The following ALMS1 variants were observed in gnomAD, a reference collection of about 807,000 sequenced individuals.
ALMS1 encodes ALMS1 centrosome and basal body associated protein.
ALMS1 carries 271 observed loss-of-function variants against 352.2 expected under a neutral mutation model. The observed-to-expected ratio is 0.77, with a 90% CI of 0.70 to 0.85. ALMS1 has a LOEUF of 0.85. ALMS1 is among the 40% of genes least tolerant of loss of function. ALMS1 has a pLI of 0.00. For synonymous variants in ALMS1, 1,865 were observed against 1,761.2 expected (o/e 1.06, Z -1.48); for missense variants, 5,445 against 4,870.7 (o/e 1.12, Z -3.51).
At chr2:73,577,462 T>A (rs1405244595) in intron 16 of ALMS1, among the ~76,000 whole-genome samples, 1 of 152,080 alleles carries the variant, frequency 6.6e-6, no homozygotes, top group Non-Finnish European at 1.5e-5. Context: ...TGCTTTGGAT[T>A]TAGTATGTTT....
intron 2 of ALMS1, among the ~76,000 whole-genome samples, chr2:73,414,242 G>A (rs145391601): frequency 2.0e-5 from 3 of 151,754 alleles, no homozygotes; most frequent in Non-Finnish European, 4.4e-5. Flanking sequence ...TACACGTTTT[G>A]TTAGACTTAC....
chr2:73,425,604 A>T (rs974730598), intron 5 of ALMS1, among the ~76,000 whole-genome samples: 2 of 152,182 alleles, frequency 1.3e-5, no homozygotes, highest in Non-Finnish European at 2.9e-5. Flanking sequence ...TATTGCCTCT[A>T]TTGAGCCTTC....
rs1482258922 is a variant in ALMS1 at position 73,572,830 on chromosome 2, T to C, written c.10953T>C (p.His3651=). ...CTCTCCAGGTCTCAGAAAGTACACA[T>C]GATGATAGCAGAGGGGAACGAAGTG... ...THSLQVSEST[H]DDSRGERSVK... Residue 3651 remains histidine, a synonymous_variant, in exon 16 of 23, where the codon CAT becomes CAC. Transcript: ENST00000613296. 3.1e-6 allele frequency: 5 copies of C among 1,613,890 alleles called. No individual in the cohort carries two copies. In the East Asian group the frequency reaches 8.9e-5, roughly 29 times the overall value.
Position 73,453,713 on chromosome 2 carries a change from A to G in ALMS1, c.7186A>G (p.Ser2396Gly), listed in dbSNP as rs1671999324. Residue 2396 changes from serine (S) to glycine (G), a missense_variant, in exon 8 of 23, where the codon AGT (serine) becomes GGT (glycine). Physicochemically the swap from Ser to Gly is moderately conservative, Grantham distance 56. Transcript: ENST00000613296. Reference sequence around the variant, plus strand: ...AATGAGGTCTGAACCTGAAGGGTGTAGTGGAACCATTGGGAATAAAATTAT... The same window carrying G: ...AATGAGGTCTGAACCTGAAGGGTGTGGTGGAACCATTGGGAATAAAATTAT... ...SVMRSEPEGCSGTIGNKIIIP... is the reference protein window; with the variant it reads ...SVMRSEPEGCGGTIGNKIIIP... 1 of 1,614,180 alleles carries G rather than the reference A, an allele frequency of 6.2e-7. No homozygotes were observed. The highest frequency in any genetic ancestry group is 1.3e-5 in the African/African-American group (1 of 75,058).
chr2:73,521,580 C>CAAAAAAAAAA (rs565126393), intron 11 of ALMS1, among the ~76,000 whole-genome samples: 13 of 94,834 alleles, frequency 1.4e-4, no homozygotes, highest in East Asian at 4.0e-4. Flanking sequence ...ACTAAAAATA[C>CAAAAAAAAAA]AAAAAAAAAA....
intron 7 of ALMS1, among the ~76,000 whole-genome samples, chr2:73,440,325 T>G (rs1671692522): frequency 6.6e-6 from 1 of 152,188 alleles, no homozygotes; most frequent in African/African-American, 2.4e-5. Context: ...GGAGCTGACT[T>G]ACTTTCTTTA....
intron 1 of ALMS1, among the ~76,000 whole-genome samples, chr2:73,392,908 A>G (rs1670679579): frequency 6.6e-6 from 1 of 152,134 alleles, no homozygotes; most frequent in East Asian, 1.9e-4. Context: ...TAACCTTTTA[A>G]GTTTCTGCCA....
At chr2:73,540,545 G>A (rs1674151341) in intron 12 of ALMS1, among the ~76,000 whole-genome samples, 1 of 152,278 alleles carries the variant, frequency 6.6e-6, no homozygotes, top group Non-Finnish European at 1.5e-5. Flanking sequence ...AATGTAAATG[G>A]ACTAAATGCC....
chr2:73,603,506 A>C (rs528329614), intron 21 of ALMS1: 33 of 575,552 alleles, frequency 5.7e-5, no homozygotes, highest in African/African-American at 5.3e-4. Context: ...AAAAGATGAA[A>C]AACTTCTCAC....
At chr2:73,480,858 T>C (rs1246093) in intron 9 of ALMS1, among the ~76,000 whole-genome samples, 125,247 of 144,960 alleles carry the variant, frequency 0.86, 54,116 homozygotes, top group Admixed American at 0.91. Flanking sequence ...GTGTTTTTTG[T>C]CTGCATAAAT....
intron 22 of ALMS1, 29 bp from the exon 23 acceptor site, chr2:73,609,538 CT>C (rs1038361149): frequency 6.2e-7 from 1 of 1,612,946 alleles, no homozygotes; most frequent in African/African-American, 1.3e-5. Context: ...TAATATCTAA[CT>C]TCTTTCCTGC....
intron 10 of ALMS1, among the ~76,000 whole-genome samples, chr2:73,517,933 C>T (rs1673594309): frequency 6.6e-6 from 1 of 152,210 alleles, no homozygotes; most frequent in Non-Finnish European, 1.5e-5. Flanking sequence ...ACTGGGATTA[C>T]AGGCGTGAGC....
intron 12 of ALMS1, among the ~76,000 whole-genome samples, chr2:73,538,630 G>C (rs1335493188): frequency 6.6e-6 from 1 of 152,148 alleles, no homozygotes; most frequent in Admixed American, 6.5e-5. Flanking sequence ...AATTCCCTTT[G>C]CTAGCCAAGG....
Position 73,573,151 on chromosome 2 carries a change from T to A in ALMS1, c.11274T>A (p.Thr3758=). 1.2e-6 allele frequency: 2 copies of A among 1,613,898 alleles called. No homozygotes were observed. The highest frequency in any genetic ancestry group is 4.5e-5 in the East Asian group (2 of 44,870). ...DTTTNILSGT[T]STVESDILTQ... is the part of the protein sequence containing the mutation. ...CCACCAACATCCTTTCCGGCACCAC[T>A]TCTACTGTCGAATCAGATATATTGA... Residue 3758 remains threonine (T), a synonymous_variant, in exon 16 of 23, where the codon ACT becomes ACA. Transcript: ENST00000613296.
intron 9 of ALMS1, among the ~76,000 whole-genome samples, chr2:73,465,514 A>C (rs1052699574): frequency 2.6e-5 from 4 of 152,268 alleles, no homozygotes; most frequent in Admixed American, 2.6e-4. Context: ...CTTACATGTT[A>C]GTCCGAAAAC....
chr2:73,488,145 C>G (rs563056120), intron 9 of ALMS1, among the ~76,000 whole-genome samples: 34 of 151,072 alleles, frequency 2.3e-4, no homozygotes, highest in African/African-American at 7.4e-4. Context: ...AGCCTGTCTG[C>G]CATCTCTGCC....
intron 9 of ALMS1, among the ~76,000 whole-genome samples, chr2:73,486,205 A>C (rs1672839734): frequency 1.3e-5 from 2 of 152,102 alleles, no homozygotes; most frequent in Non-Finnish European, 2.9e-5. Context: ...AGCAGATACA[A>C]GACCTTTGTT....
intron 2 of ALMS1, among the ~76,000 whole-genome samples, chr2:73,418,764 G>A (rs1022819080): frequency 1.3e-5 from 2 of 152,076 alleles, no homozygotes; most frequent in African/African-American, 2.4e-5. Context: ...GCTTATCCCC[G>A]GAACACATGT....
In ALMS1 at chr2:73,557,084, G is replaced by A. The variant is rs189320101; in HGVS notation, c.10079-136G>A. 3.4e-5 allele frequency: 39 copies of A among 1,156,960 alleles called. No homozygotes were observed. The African/African-American group carries it at 5.5e-4, about 16-fold the overall frequency. 71.7% of individuals were successfully genotyped at this position (1,156,960 alleles called of 1,614,324 possible). On this transcript the variant is annotated intron_variant, in intron 13 of 22. Transcript: ENST00000613296. ...CAATTCATGTCACAGTTTTTACACA[G>A]GTGGAGCCTAAGAGGTACTTTTTTC...
Sources: gnomAD v4.1 joint callset for allele counts (sites outside exome capture counted in the v4.1 genomes callset) on GRCh38, gnomAD v4.1.1 for gene constraint, MANE v1.5 for transcripts, NCBI Gene and HGNC (gene_info 2026-07-23, HGNC 2026-07-21) for gene names.